The following AMPH variants were observed in gnomAD, a reference collection of about 807,000 sequenced individuals.
AMPH encodes amphiphysin (Stiff-Mann syndrome with breast cancer 128kD autoantigen).
AMPH carries 49 observed loss-of-function variants against 99.1 expected under a neutral mutation model. The observed-to-expected ratio is 0.49, with a 90% confidence interval of 0.39 to 0.63. The LOEUF is 0.63. Among genes scored for constraint, AMPH ranks in the 20% least tolerant of loss-of-function variants. AMPH has a pLI of 0.00. For synonymous variants in AMPH, 314 were observed against 317.3 expected (o/e 0.99, Z 0.11); for missense variants, 759 against 863.4 (o/e 0.88, Z 1.52).
intron 1 of AMPH, among the ~76,000 whole-genome samples, chr7:38,539,717 A>T (rs111419154): frequency 0.011 from 1,666 of 152,290 alleles, 30 homozygotes; most frequent in African/African-American, 0.035. Flanking sequence ...AGTGATTCAG[A>T]TGTGGAACTG....
At chr7:38,576,651 G>A (rs1339658542) in intron 1 of AMPH, among the ~76,000 whole-genome samples, 1 of 152,112 alleles carries the variant, frequency 6.6e-6, no homozygotes, top group Non-Finnish European at 1.5e-5. Context: ...GGGCATGGGG[G>A]TTGCTCATTG....
intron 3 of AMPH, among the ~76,000 whole-genome samples, chr7:38,499,766 T>C (rs1336166599): frequency 6.6e-6 from 1 of 152,206 alleles, no homozygotes; most frequent in Non-Finnish European, 1.5e-5. Context: ...TGAACTGTAA[T>C]AATCTCCATG....
intron 11 of AMPH, among the ~76,000 whole-genome samples, chr7:38,460,009 C>A (rs1787380693): frequency 6.6e-6 from 1 of 151,446 alleles, no homozygotes; most frequent in East Asian, 1.9e-4. Flanking sequence ...ACAAATAATC[C>A]CATGAAAAAG....
At chr7:38,593,724 T>C (rs1265239497) in intron 1 of AMPH, among the ~76,000 whole-genome samples, 1 of 152,160 alleles carries the variant, frequency 6.6e-6, no homozygotes, top group Non-Finnish European at 1.5e-5. Flanking sequence ...GGGGATACAG[T>C]AGTACAGTAG....
Position 38,494,438 on chromosome 7 carries a change from C to T in AMPH, c.295G>A (p.Gly99Ser). 6.2e-7 allele frequency: 1 copy of T among 1,613,576 alleles called. No individual in the cohort carries two copies. The highest frequency in any genetic ancestry group is 8.5e-7 in the Non-Finnish European group (1 of 1,179,690). The change falls in exon 4 of 21, where the codon GGT becomes AGT. Residue 99 changes from glycine to serine, a missense_variant. Physicochemically the swap from Gly to Ser is moderately conservative, Grantham distance 56. Coordinates refer to ENST00000356264, the MANE Select transcript of AMPH (RefSeq NM_001635.4). ...GAAGCCACCCCAGCTCTTACCTCAC[C>T]AACCATTTTCACATCTTCCCGCCCA... ...WYGREDVKMV[G>S]EKCDVLWEDF...
chr7:38,460,902 T>C (rs1787412972), intron 11 of AMPH, among the ~76,000 whole-genome samples: 1 of 152,208 alleles, frequency 6.6e-6, no homozygotes, highest in African/African-American at 2.4e-5. Context: ...CTCAAGGTGA[T>C]AGATACCCCA....
In AMPH at chr7:38,580,705, ATGACG is replaced by A. The variant is rs1584269648; in HGVS notation, c.70-45699_70-45695del. On this transcript the variant is annotated intron_variant, in intron 1 of 20. Coordinates refer to ENST00000356264, the MANE Select transcript of AMPH (RefSeq NM_001635.4). ...GATGATGATGATGATGATGATGACG[ATGACG>A]ATAAGGGTCTGAGAAGTCAGGAATA... 2.6e-5 allele frequency among the ~76,000 whole-genome samples: 4 copies of A among 152,050 alleles called. No homozygotes were observed. In the East Asian group the frequency reaches 5.8e-4, roughly 22 times the overall value.
intron 17 of AMPH, among the ~76,000 whole-genome samples, chr7:38,416,988 T>A (rs1785402388): frequency 6.6e-6 from 1 of 152,244 alleles, no homozygotes; most frequent in Non-Finnish European, 1.5e-5. Flanking sequence ...ATCTAGGGAA[T>A]GTTATTTTTG....
chr7:38,606,294 T>C (rs905866558), intron 1 of AMPH, among the ~76,000 whole-genome samples: 1 of 152,240 alleles, frequency 6.6e-6, no homozygotes, highest in Non-Finnish European at 1.5e-5. Flanking sequence ...ATTCACACTG[T>C]TGTGCAACCG....
chr7:38,444,569 A>G lies in AMPH; in HGVS notation c.1018-8181T>C, dbSNP rs149105952. 3.2e-4 allele frequency among the ~76,000 whole-genome samples: 48 copies of G among 152,072 alleles called. No individual in the cohort carries two copies. The East Asian group carries it at 5.6e-3, about 18-fold the overall frequency. ...GAGTGATGTATCTGCAAGCCAAGGA[A>G]CCCCAAGGACTTTCAGCAACCACCA... On this transcript the variant is annotated intron_variant, in intron 11 of 20. Transcript: ENST00000356264.
chr7:38,494,946 G>T (rs985971931), intron 3 of AMPH, among the ~76,000 whole-genome samples: 24 of 152,020 alleles, frequency 1.6e-4, no homozygotes, highest in African/African-American at 5.1e-4. Context: ...TTTTTAGAAG[G>T]GACTAGAAGT....
chr7:38,393,547 G>A (rs1008670203), intron 18 of AMPH, among the ~76,000 whole-genome samples: 1 of 152,180 alleles, frequency 6.6e-6, no homozygotes, highest in Non-Finnish European at 1.5e-5. Context: ...CCAGTGGTGG[G>A]CTCTTGGTAA....
intron 16 of AMPH, among the ~76,000 whole-genome samples, chr7:38,419,607 A>G (rs1414537690): frequency 6.6e-6 from 1 of 152,240 alleles, no homozygotes; most frequent in Non-Finnish European, 1.5e-5. Context: ...TTTTCATAAC[A>G]GCAAATAGAT....
intron 1 of AMPH, among the ~76,000 whole-genome samples, chr7:38,566,823 T>C (rs1286602263): frequency 6.6e-6 from 1 of 152,114 alleles, no homozygotes; most frequent in Non-Finnish European, 1.5e-5. Flanking sequence ...GAAATGCAAA[T>C]CAAAACCACA....
chr7:38,562,373 A>G (rs1415403764), intron 1 of AMPH, among the ~76,000 whole-genome samples: 5 of 152,212 alleles, frequency 3.3e-5, no homozygotes, highest in East Asian at 1.9e-4. Flanking sequence ...AATTAAATCA[A>G]TTAATTTTAA....
intron 1 of AMPH, among the ~76,000 whole-genome samples, chr7:38,625,807 A>G (rs1223852380): frequency 6.6e-6 from 1 of 152,238 alleles, no homozygotes; most frequent in African/African-American, 2.4e-5. Flanking sequence ...GGTAACTGGG[A>G]TGGAAGAAAC....
At chr7:38,534,822 T>G in intron 2 of AMPH, 109 bp downstream of exon 2, 2 of 878,984 alleles carry the variant, frequency 2.3e-6, no homozygotes, top group South Asian at 3.3e-5. Flanking sequence ...CTCAAGTTAG[T>G]GCCAACTCCA....
intron 11 of AMPH, among the ~76,000 whole-genome samples, chr7:38,443,944 T>C (rs1023601169): frequency 1.3e-5 from 2 of 151,474 alleles, no homozygotes; most frequent in Non-Finnish European, 2.9e-5. Context: ...AAAAATCCAA[T>C]AAAATCTACA....
At chr7:38,410,336 A>T (rs1345009888) in intron 17 of AMPH, among the ~76,000 whole-genome samples, 1 of 152,214 alleles carries the variant, frequency 6.6e-6, no homozygotes, top group Non-Finnish European at 1.5e-5. Context: ...CAAGCACGAC[A>T]TATATCTCAC....
Sources: gnomAD v4.1 joint callset for allele counts (sites outside exome capture counted in the v4.1 genomes callset) on GRCh38, gnomAD v4.1.1 for gene constraint, MANE v1.5 for transcripts, NCBI Gene and HGNC (gene_info 2026-07-23, HGNC 2026-07-21) for gene names.